HIBADH: variants seen among roughly 807,000 people sequenced by gnomAD.
The protein encoded by HIBADH is 3-hydroxyisobutyrate dehydrogenase, mitochondrial.
In HIBADH, 25 loss-of-function variants were observed where a neutral mutation model predicts 36.1. That is an observed-to-expected ratio of 0.69 (90% CI 0.50 to 0.97). The LOEUF (loss-of-function observed/expected upper bound fraction) is 0.97. HIBADH is among the 50% of genes least tolerant of loss of function. The pLI, the probability that HIBADH is intolerant of heterozygous loss-of-function variation, is 0.00. For missense variants in HIBADH, 421 were observed against 418.0 expected, an observed-to-expected ratio of 1.01 and a Z score of -0.06; for synonymous variants, 160 against 149.5, an observed-to-expected ratio of 1.07 and a Z score of -0.51.
chr7:27,651,290 T>G (rs887768131), intron 1 of HIBADH, among the ~76,000 whole-genome samples: 1 of 152,228 alleles, frequency 6.6e-6, no homozygotes, highest in African/African-American at 2.4e-5. Context: ...CTCTAACACT[T>G]CCATTAAATG....
At chr7:27,577,166 CT>C (rs5883090) in intron 4 of HIBADH, among the ~76,000 whole-genome samples, 30 of 146,410 alleles carry the variant, frequency 2.0e-4, no homozygotes, top group Non-Finnish European at 2.4e-4. Context: ...TCATTTCTCT[CT>C]TTTTTTTTTT....
At chr7:27,572,317 G>A (rs182980531) in intron 4 of HIBADH, among the ~76,000 whole-genome samples, 5 of 152,234 alleles carry the variant, frequency 3.3e-5, no homozygotes, top group African/African-American at 9.6e-5. Flanking sequence ...TCCAGCCACC[G>A]GTATTTTATA....
intron 2 of HIBADH, among the ~76,000 whole-genome samples, chr7:27,633,347 A>G (rs948076348): frequency 2.0e-5 from 3 of 152,076 alleles, no homozygotes; most frequent in African/African-American, 7.2e-5. Flanking sequence ...TCCTTCCTTG[A>G]CTCAAACTCT....
intron 1 of HIBADH, among the ~76,000 whole-genome samples, chr7:27,654,662 G>C (rs1786264037): frequency 6.6e-6 from 1 of 150,440 alleles, no homozygotes; most frequent in Admixed American, 6.7e-5. Context: ...TCAATCTCAG[G>C]GGTATGATGA....
intron 4 of HIBADH, among the ~76,000 whole-genome samples, chr7:27,576,532 C>T (rs544029851): frequency 6.6e-5 from 10 of 152,294 alleles, no homozygotes; most frequent in African/African-American, 2.4e-4. Flanking sequence ...GATTACTAAA[C>T]AGTGACCTCT....
chr7:27,530,961 C>T (rs1181344013), intron 7 of HIBADH, among the ~76,000 whole-genome samples: 2 of 152,014 alleles, frequency 1.3e-5, no homozygotes, highest in Admixed American at 6.6e-5. Flanking sequence ...CACACATACA[C>T]ACACACACAT....
intron 4 of HIBADH, among the ~76,000 whole-genome samples, chr7:27,594,144 G>GTTTTTTTTTTTTTT (rs202051184): frequency 1.8e-5 from 1 of 55,454 alleles, no homozygotes; most frequent in Admixed American, 1.7e-4. Context: ...AGATGTTTTT[G>GTTTTTTTTTTTTTT]TTTTTTTGTT....
chr7:27,643,247 G>A (rs1382226966), intron 2 of HIBADH, among the ~76,000 whole-genome samples: 1 of 152,124 alleles, frequency 6.6e-6, no homozygotes, highest in Non-Finnish European at 1.5e-5. Flanking sequence ...GTAGTCTACA[G>A]TAGCCTTAAC....
chr7:27,604,063 G>T (rs1785177476), intron 4 of HIBADH, among the ~76,000 whole-genome samples: 1 of 151,944 alleles, frequency 6.6e-6, no homozygotes, highest in Non-Finnish European at 1.5e-5. Context: ...TATCTATGTG[G>T]AGGTTCCCAT....
At chr7:27,600,930 G>C (rs540896736) in intron 4 of HIBADH, among the ~76,000 whole-genome samples, 1 of 152,016 alleles carries the variant, frequency 6.6e-6, no homozygotes, top group South Asian at 2.1e-4. Flanking sequence ...CTGAATTCTC[G>C]TTCTTAGAAT....
At chr7:27,541,148 T>A (rs12670578) in intron 5 of HIBADH, among the ~76,000 whole-genome samples, 1 of 146,284 alleles carries the variant, frequency 6.8e-6, no homozygotes, top group Non-Finnish European at 1.5e-5. Context: ...TTTTTTTTTT[T>A]CTCCGTAATA....
chr7:27,555,138 T>C (rs1784373073), intron 4 of HIBADH, among the ~76,000 whole-genome samples: 1 of 150,110 alleles, frequency 6.7e-6, no homozygotes, highest in Non-Finnish European at 1.5e-5. Context: ...AATTATTTTA[T>C]TTTTGGTCTA....
intron 4 of HIBADH, among the ~76,000 whole-genome samples, chr7:27,547,837 T>G (rs1473575605): frequency 6.6e-6 from 1 of 152,118 alleles, no homozygotes; most frequent in Admixed American, 6.6e-5. Context: ...ATGTTTTACT[T>G]TGCACAAAAA....
chr7:27,536,965 G>A (rs1255103699), intron 6 of HIBADH, among the ~76,000 whole-genome samples: 1 of 152,152 alleles, frequency 6.6e-6, no homozygotes, highest in Non-Finnish European at 1.5e-5. Flanking sequence ...CAATCCTGGT[G>A]TCAACACCAA....
chr7:27,615,790 T>C (rs545156968), intron 4 of HIBADH, among the ~76,000 whole-genome samples: 2 of 152,214 alleles, frequency 1.3e-5, no homozygotes, highest in South Asian at 2.1e-4. Flanking sequence ...CTTCTATTGA[T>C]AAAGAAAAGT....
intron 2 of HIBADH, among the ~76,000 whole-genome samples, chr7:27,645,036 C>T (rs1453135821): frequency 1.3e-5 from 2 of 152,106 alleles, no homozygotes; most frequent in Non-Finnish European, 2.9e-5. Flanking sequence ...ATGGATATAA[C>T]ACATTTTGTT....
chr7:27,605,836 T>G (rs1213385309), intron 4 of HIBADH, among the ~76,000 whole-genome samples: 1 of 152,070 alleles, frequency 6.6e-6, no homozygotes, highest in East Asian at 1.9e-4. Context: ...ATAATATATT[T>G]TATAATCCTT....
At chr7:27,578,512 TCA>T (rs773406559) in intron 4 of HIBADH, among the ~76,000 whole-genome samples, 2 of 152,140 alleles carry the variant, frequency 1.3e-5, no homozygotes, top group Non-Finnish European at 2.9e-5. Context: ...AGACAGGGTT[TCA>T]CCATGTTGCC....
At chr7:27,618,364 C>G (rs1785471252) in intron 4 of HIBADH, among the ~76,000 whole-genome samples, 1 of 152,096 alleles carries the variant, frequency 6.6e-6, no homozygotes. Flanking sequence ...GGCAGAAAAG[C>G]CTGGTAGCAA....
Sources: gnomAD v4.1 joint callset for allele counts (sites outside exome capture counted in the v4.1 genomes callset) on GRCh38, gnomAD v4.1.1 for gene constraint, MANE v1.5 for transcripts, NCBI Gene and HGNC (gene_info 2026-07-23, HGNC 2026-07-21) for gene names.